The following MCTP1 variants were observed in gnomAD, a reference collection of about 807,000 sequenced individuals.
MCTP1 encodes multiple C2 and transmembrane domain-containing protein 1.
Under a neutral mutation model 120.6 loss-of-function variants are expected in MCTP1, and 69 were observed. The observed-to-expected ratio is 0.57, with a 90% CI of 0.47 to 0.70. The LOEUF (loss-of-function observed/expected upper bound fraction) is 0.70. Ranked by LOEUF, MCTP1 falls within the 30% of genes least tolerant of loss-of-function variation. The probability of loss-of-function intolerance (pLI) is 0.00; values close to 1 mark genes in which losing one functional copy is unlikely to be tolerated. For missense variants in MCTP1, 1,203 were observed against 1,248.8 expected (o/e 0.96, Z 0.55); for synonymous variants, 529 against 493.1 (o/e 1.07, Z -0.96).
chr5:94,865,350 T>C (rs779304518), intron 17 of MCTP1, among the ~76,000 whole-genome samples: 11 of 151,802 alleles, frequency 7.2e-5, no homozygotes, highest in Non-Finnish European at 1.2e-4. Context: ...AAAGTTAAAA[T>C]AGAATAGAAA....
chr5:94,941,932 T>C (rs1203014651), intron 4 of MCTP1, among the ~76,000 whole-genome samples: 1 of 151,470 alleles, frequency 6.6e-6, no homozygotes, highest in Non-Finnish European at 1.5e-5. Context: ...GACAAGAGAG[T>C]TGCTGTTTCT....
intron 17 of MCTP1, among the ~76,000 whole-genome samples, chr5:94,821,321 G>T (rs1785593711): frequency 6.6e-6 from 1 of 152,140 alleles, no homozygotes; most frequent in African/African-American, 2.4e-5. Flanking sequence ...AGCAACTAAT[G>T]GGCTTAAAAT....
At chr5:95,027,533 C>G (rs994744072) in intron 1 of MCTP1, among the ~76,000 whole-genome samples, 1 of 152,136 alleles carries the variant, frequency 6.6e-6, no homozygotes, top group Non-Finnish European at 1.5e-5. Flanking sequence ...GAAACAGATG[C>G]TATAATTAGC....
Position 95,284,252 on chromosome 5 carries a change from C to T in MCTP1, c.324G>A (p.Glu108=). ...GCTCGGCTCTGCCGGCGCCGCCGGG[C>T]TCCAGGGGCTCCGGCGACGAGCAGC... The part of the protein sequence containing the change: ...NLCCSSPEPL[E]PGGAGRAEQG... Residue 108 remains glutamate, a synonymous_variant, in exon 1 of 23, where the codon GAG becomes GAA. Coordinates refer to ENST00000515393, the MANE Select transcript of MCTP1 (RefSeq NM_024717.7). This position sits in a 1 kb window ranked among gnomAD's most constrained non-coding sequence, Gnocchi z 5.2. The T allele has an allele frequency of 6.3e-7, 1 of 1,589,832 alleles. No individual in the cohort carries two copies. Among genetic ancestry groups the T allele is most frequent in the Non-Finnish European group, 8.5e-7 (1 of 1,175,060 alleles).
intron 1 of MCTP1, among the ~76,000 whole-genome samples, chr5:95,054,062 C>G (rs368446070): frequency 6.6e-6 from 1 of 152,178 alleles, no homozygotes; most frequent in Non-Finnish European, 1.5e-5. Flanking sequence ...TTATCTATGA[C>G]TTCGGAAAAT....
chr5:94,788,697 T>A (rs529918489), intron 18 of MCTP1: 1 of 152,236 alleles, frequency 6.6e-6, no homozygotes, highest in East Asian at 1.9e-4. Context: ...TCCCCATGTT[T>A]AGAATAGTTT....
At chr5:95,230,139 A>G (rs1014120592) in intron 1 of MCTP1, among the ~76,000 whole-genome samples, 1 of 151,690 alleles carries the variant, frequency 6.6e-6, no homozygotes, top group Admixed American at 6.6e-5. Context: ...GTGACAGGTA[A>G]TGAAACATAC....
At chr5:95,267,526 C>T (rs1759004005) in intron 1 of MCTP1, among the ~76,000 whole-genome samples, 1 of 152,186 alleles carries the variant, frequency 6.6e-6, no homozygotes, top group African/African-American at 2.4e-5. Flanking sequence ...ACACTTTCAT[C>T]CTCTAGGTAT....
At chr5:94,916,052 AT>A (rs556934358) in intron 8 of MCTP1, among the ~76,000 whole-genome samples, 4 of 152,152 alleles carry the variant, frequency 2.6e-5, no homozygotes, top group Non-Finnish European at 4.4e-5. Flanking sequence ...CTATTCAGAT[AT>A]TTTTTAAGTG....
Position 95,237,768 on chromosome 5 carries a change from T to C in MCTP1, c.720+46088A>G, listed in dbSNP as rs377724111. On this transcript the variant is annotated intron_variant, in intron 1 of 22. Coordinates refer to ENST00000515393, the MANE Select transcript of MCTP1 (RefSeq NM_024717.7). ...TCATTTTCGTGATCCCAGCCTCTTT[T>C]TTTGCTTTATTCTGTGAAACATCTA... Among the ~76,000 whole-genome samples the C allele has an allele frequency of 1.2e-4, 19 of 152,318 alleles. No individual in the cohort carries two copies. The East Asian group carries it at 3.7e-3, about 29-fold the overall frequency.
intron 2 of MCTP1, among the ~76,000 whole-genome samples, chr5:94,961,357 G>C (rs1213264852): frequency 6.6e-6 from 1 of 151,842 alleles, no homozygotes; most frequent in Non-Finnish European, 1.5e-5. Context: ...ACCACCCTAT[G>C]TTACCTATGT....
chr5:94,901,271 G>A (rs1335609884), intron 10 of MCTP1, among the ~76,000 whole-genome samples: 1 of 152,124 alleles, frequency 6.6e-6, no homozygotes, highest in African/African-American at 2.4e-5. Flanking sequence ...CAGATCTCAT[G>A]AGTCTAATTC....
rs368662546 is a variant in MCTP1 at position 94,873,274 on chromosome 5, T to C, written c.1934-33A>G. 28 of 1,234,336 alleles carry C rather than the reference T, an allele frequency of 2.3e-5. No homozygotes were observed. In the African/African-American group the frequency reaches 3.9e-4, roughly 17 times the overall value. 76.5% of individuals were successfully genotyped at this position (1,234,336 alleles called of 1,614,324 possible). On this transcript the variant is annotated intron_variant, in intron 12 of 22. Coordinates refer to ENST00000515393, the MANE Select transcript of MCTP1 (RefSeq NM_024717.7). ...AGATTTTTGGTAAATATTTTTAGTG[T>C]ACATAGCACCCACAGTTCACAGTGT...
intron 4 of MCTP1, among the ~76,000 whole-genome samples, chr5:94,941,459 A>C (rs975670155): frequency 6.6e-6 from 1 of 151,968 alleles, no homozygotes; most frequent in African/African-American, 2.4e-5. Context: ...ATTGTAATGC[A>C]TAAGTGAGTT....
At chr5:95,119,380 C>T (rs1758042268) in intron 1 of MCTP1, among the ~76,000 whole-genome samples, 2 of 151,786 alleles carry the variant, frequency 1.3e-5, no homozygotes, top group African/African-American at 4.8e-5. Flanking sequence ...TGGGATACAG[C>T]AAAAGTAGAA....
chr5:95,219,054 A>T (rs1017867464), intron 1 of MCTP1, among the ~76,000 whole-genome samples: 8 of 152,108 alleles, frequency 5.3e-5, no homozygotes, highest in African/African-American at 1.9e-4. Flanking sequence ...TTGGGAAAAA[A>T]TGATTTTTCT....
chr5:94,950,554 G>T (rs1275036739), intron 3 of MCTP1, among the ~76,000 whole-genome samples: 1 of 151,944 alleles, frequency 6.6e-6, no homozygotes, highest in Non-Finnish European at 1.5e-5. Context: ...TATATATAGA[G>T]TATATGTATA....
intron 19 of MCTP1, among the ~76,000 whole-genome samples, chr5:94,751,498 A>G (rs1383423984): frequency 2.6e-5 from 4 of 152,010 alleles, no homozygotes; most frequent in Non-Finnish European, 5.9e-5. Flanking sequence ...AGTGACCTGG[A>G]GAATGTAAAT....
chr5:94,923,378 T>A (rs1453009524), intron 7 of MCTP1, among the ~76,000 whole-genome samples: 4 of 152,148 alleles, frequency 2.6e-5, no homozygotes, highest in Non-Finnish European at 4.4e-5. Context: ...AAATGGATGG[T>A]CATTATGCTT....
Sources: allele counts gnomAD v4.1 joint callset (sites outside exome capture counted in the v4.1 genomes callset), GRCh38; gene constraint gnomAD v4.1.1; non-coding constraint Gnocchi (gnomAD v3.1); transcripts MANE v1.5; gene names NCBI Gene and HGNC (gene_info 2026-07-23, HGNC 2026-07-21).